Variants in PIGS observed in about 807,000 individuals in gnomAD.
PIGS encodes phosphatidylinositol glycan anchor biosynthesis class S.
PIGS carries 37 observed loss-of-function variants against 58.2 expected under a neutral mutation model. That is an observed-to-expected ratio of 0.64 (90% CI 0.49 to 0.84). The LOEUF (loss-of-function observed/expected upper bound fraction) is 0.84. PIGS is among the 40% of genes least tolerant of loss of function. The pLI is 0.00. For missense variants in PIGS, 629 were observed against 710.8 expected (o/e 0.88, Z 1.31); for synonymous variants, 269 against 289.2 (o/e 0.93, Z 0.71).
intron 3 of PIGS, among the ~76,000 whole-genome samples, chr17:28,568,017 C>A (rs2070403633): frequency 6.6e-6 from 1 of 152,108 alleles, no homozygotes. Flanking sequence ...AACTGCAATC[C>A]CCTCCCATTC....
chr17:28,565,190 G>A (rs929710337), intron 3 of PIGS, among the ~76,000 whole-genome samples: 1 of 152,108 alleles, frequency 6.6e-6, no homozygotes, highest in Non-Finnish European at 1.5e-5. Context: ...GGATATGCAA[G>A]AATCAATACC....
chr17:28,561,193 G>A (rs2151512936), intron 6 of PIGS, among the ~76,000 whole-genome samples: 1 of 152,242 alleles, frequency 6.6e-6, no homozygotes, highest in South Asian at 2.1e-4. Flanking sequence ...GGGAGGCGGA[G>A]CTTGCAGTGA....
intron 6 of PIGS, among the ~76,000 whole-genome samples, chr17:28,561,082 C>A (rs1329713089): frequency 4.1e-4 from 62 of 151,984 alleles, no homozygotes. Flanking sequence ...ACAGTGAAAC[C>A]CCGTCTCTAC....
chr17:28,568,974 G>A (rs1392034715), intron 3 of PIGS, among the ~76,000 whole-genome samples: 1 of 151,836 alleles, frequency 6.6e-6, no homozygotes, highest in Non-Finnish European at 1.5e-5. Context: ...GCAGGCGCCT[G>A]TAATCCCAGC....
intron 10 of PIGS, 113 bp downstream of exon 10, chr17:28,556,053 G>T: frequency 1.1e-6 from 1 of 946,726 alleles, no homozygotes; most frequent in East Asian, 2.4e-5. Flanking sequence ...TGGTTTCCCT[G>T]GGGCTCTAGG....
At chr17:28,560,408 C>G (rs760359969) in intron 6 of PIGS, 1 of 516,126 alleles carries the variant, frequency 1.9e-6, no homozygotes, top group Non-Finnish European at 3.4e-6. Context: ...CTTTGGGAGA[C>G]TGAGGCAGAC....
rs770297883 is a variant in PIGS, at chr17:28,561,586, C to G, written c.512G>C (p.Arg171Pro). ...AAAGGCCTCCCGGTGCATTATCCCC[C>G]GCACCACTGCTGTCCTCTTGGGCCC... ...YIGPKRTAVV[R>P]GIMHREAFNI... Residue 171 changes from arginine (R) to proline (P), a missense_variant, in exon 6 of 12, where the codon CGG becomes CCG. Coordinates refer to ENST00000308360, the MANE Select transcript of PIGS (RefSeq NM_033198.4). 4 of 1,613,570 alleles carry G rather than the reference C, an allele frequency of 2.5e-6. No homozygotes were observed. The highest frequency in any genetic ancestry group is 3.4e-6 in the Non-Finnish European group (4 of 1,179,774).
Position 28,554,890 on chromosome 17 carries a change from C to T in PIGS, c.1353G>A (p.Lys451=). Residue 451 remains lysine (K), a synonymous_variant, in exon 11 of 12, where the codon AAG becomes AAA. Coordinates refer to ENST00000308360, the MANE Select transcript of PIGS (RefSeq NM_033198.4). ...CGTCCTTAATGACAATGTTGCTGAT[C>T]TTGCCCAGAAGCTGCGCCAGGGAGG... ...TLTSLAQLLG[K]ISNIVIKDDV... The T allele has an allele frequency of 1.2e-6, 2 of 1,614,190 alleles. No individual in the cohort carries two copies. Among genetic ancestry groups the T allele is most frequent in the South Asian group, 2.2e-5 (2 of 91,086 alleles).
chr17:28,558,379 A>G (rs1460497854), intron 8 of PIGS, 97 bp downstream of exon 8: 1 of 981,498 alleles, frequency 1.0e-6, no homozygotes, highest in Non-Finnish European at 1.5e-6. Flanking sequence ...ATCACTGTAT[A>G]TAATCCACCT....
chr17:28,563,640 G>T, intron 4 of PIGS, 118 bp from the exon 5 acceptor site: 1 of 1,216,842 alleles, frequency 8.2e-7, no homozygotes, highest in Non-Finnish European at 1.2e-6. Context: ...GGTCAGGCTT[G>T]GGTAAGCCAA....
At position 28,553,989 on chromosome 17, in the gene PIGS, G is replaced by T; in HGVS notation, c.*231C>A. On this transcript the variant is annotated 3_prime_UTR_variant, in exon 12 of 12. Coordinates refer to ENST00000308360, the MANE Select transcript of PIGS (RefSeq NM_033198.4). ...TCAAACAAGATAAGGAGACCCGGATGATGTGCCTTTTGAGGCCCCTGGTGG... is the reference window on the plus strand; with the variant it reads ...TCAAACAAGATAAGGAGACCCGGATTATGTGCCTTTTGAGGCCCCTGGTGG... The T allele has an allele frequency of 1.8e-6, 1 of 570,872 alleles. No individual in the cohort carries two copies. Among genetic ancestry groups the T allele is most frequent in the Non-Finnish European group, 3.1e-6 (1 of 322,822 alleles). 35.4% of individuals were successfully genotyped at this position (570,872 alleles called of 1,614,324 possible).
At chr17:28,565,956 G>A (rs1567617179) in intron 3 of PIGS, among the ~76,000 whole-genome samples, 5 of 152,140 alleles carry the variant, frequency 3.3e-5, no homozygotes, top group African/African-American at 7.2e-5. Context: ...ACTTGAACCC[G>A]GGAGGCGGAC....
At chr17:28,561,318 T>A (rs1358151181) in intron 6 of PIGS, 104 bp downstream of exon 6, 1 of 842,648 alleles carries the variant, frequency 1.2e-6, no homozygotes, top group East Asian at 3.2e-5. Context: ...AAGAAAAAAA[T>A]TGAGACTAGA....
At chr17:28,570,425 C>T (rs2070419975) in intron 3 of PIGS, among the ~76,000 whole-genome samples, 1 of 152,188 alleles carries the variant, frequency 6.6e-6, no homozygotes, top group African/African-American at 2.4e-5. Flanking sequence ...GCAGAAGAAT[C>T]GCTTGAACCC....
intron 8 of PIGS, 63 bp from the exon 9 acceptor site, chr17:28,557,035 G>C: frequency 1.3e-6 from 2 of 1,582,870 alleles, no homozygotes; most frequent in South Asian, 2.3e-5. Flanking sequence ...GTCCCAGGTC[G>C]GCCTCTAACT....
In PIGS at chr17:28,571,138, C is replaced by G; in HGVS notation, c.85G>C (p.Val29Leu). 6.2e-7 allele frequency: 1 copy of G among 1,613,842 alleles called. No homozygotes were observed. The highest frequency in any genetic ancestry group is 8.5e-7 in the Non-Finnish European group (1 of 1,180,028). Residue 29 changes from valine to leucine, a missense_variant, in exon 2 of 12, where the codon GTG becomes CTG. Transcript: ENST00000308360. ...TTCCACCAGAGCGGTAGCCCCAGCA[C>G]GATGGCCACCGCAGCGAAGAAGAGG... ...AALFFAAVAI[V>L]LGLPLWWKTT...
intron 6 of PIGS, 100 bp from the exon 7 acceptor site, chr17:28,560,291 T>G: frequency 7.2e-7 from 1 of 1,388,188 alleles, no homozygotes; most frequent in South Asian, 1.3e-5. Context: ...TCCTCTGGAA[T>G]GGGGCTGCTT....
In PIGS at chr17:28,571,058, A is replaced by G; in HGVS notation, c.165T>C (p.Asn55=). The change falls in exon 2 of 12, where the codon AAT becomes AAC. Residue 55 remains asparagine, a synonymous_variant. Transcript: ENST00000308360. ...SLPYSQISGL[N]ALQLRLMVPV... ...CGCACAGCAGTCTCACCTGAAGGGC[A>G]TTCAGGCCACTGATCTGGGAGTAAG... 6.2e-7 allele frequency: 1 copy of G among 1,614,128 alleles called. No homozygotes were observed. Among genetic ancestry groups the G allele is most frequent in the Non-Finnish European group, 8.5e-7 (1 of 1,180,030 alleles).
At chr17:28,557,120 G>A in intron 8 of PIGS, 148 bp from the exon 9 acceptor site, 2 of 811,242 alleles carry the variant, frequency 2.5e-6, no homozygotes, top group Middle Eastern at 3.2e-4. Flanking sequence ...GGTGTCTCTA[G>A]TAAAGGGCTT....
Sources: allele counts gnomAD v4.1 joint callset (sites outside exome capture counted in the v4.1 genomes callset), GRCh38; gene constraint gnomAD v4.1.1; transcripts MANE v1.5; gene names NCBI Gene and HGNC (gene_info 2026-07-23, HGNC 2026-07-21).